CECR2: variants seen among roughly 807,000 people sequenced by gnomAD.
CECR2 encodes CECR2 histone acetyl-lysine reader.
Under a neutral mutation model 154.5 loss-of-function variants are expected in CECR2, and 30 were observed. That is an observed-to-expected ratio of 0.19 (90% CI 0.15 to 0.26). The LOEUF is 0.26. CECR2 is among the 10% of genes least tolerant of loss of function. The pLI is 1.00. For synonymous variants in CECR2, 725 were observed against 683.7 expected (o/e 1.06, Z -0.94); for missense variants, 1,743 against 1,829.3 (o/e 0.95, Z 0.86).
intron 5 of CECR2, among the ~76,000 whole-genome samples, chr22:17,501,903 G>A (rs1264217755): frequency 6.6e-6 from 1 of 152,080 alleles, no homozygotes; most frequent in East Asian, 1.9e-4. Flanking sequence ...CTTTAGAGCT[G>A]TGTGTGTAAG....
intron 1 of CECR2, among the ~76,000 whole-genome samples, chr22:17,374,714 A>G (rs544781387): frequency 1.3e-5 from 2 of 152,344 alleles, no homozygotes; most frequent in South Asian, 4.1e-4. Flanking sequence ...GGTCAAAATA[A>G]CGTGATGATA....
intron 6 of CECR2, 47 bp from the exon 7 acceptor site, chr22:17,504,800 G>T (rs2146897593): frequency 2.0e-6 from 3 of 1,519,688 alleles, no homozygotes; most frequent in Non-Finnish European, 2.7e-6. Flanking sequence ...AATAAGGAAA[G>T]GTCCTCATGG....
At chr22:17,546,366 G>A (rs955633440) in intron 16 of CECR2, among the ~76,000 whole-genome samples, 2 of 151,606 alleles carry the variant, frequency 1.3e-5, no homozygotes, top group Non-Finnish European at 2.9e-5. Flanking sequence ...GGCGCCTGTA[G>A]TCCCAGCTAC....
At chr22:17,443,436 G>T (rs1469243495) in intron 1 of CECR2, among the ~76,000 whole-genome samples, 1 of 152,118 alleles carries the variant, frequency 6.6e-6, no homozygotes, top group Non-Finnish European at 1.5e-5. Context: ...TAAGCAGCAG[G>T]AGTCTTAGAG....
chr22:17,540,566 G>T lies in CECR2; in HGVS notation c.1650G>T (p.Gly550=). The change falls in exon 14 of 19, where the codon GGG becomes GGT. Residue 550 remains glycine, a synonymous_variant. Transcript: ENST00000262608. ...KRRSRAGRSG[G]SHVWTRSRDP... is the part of the protein sequence containing the mutation. ...GGAGTCGGGCTGGGCGAAGTGGTGGGAGCCATGTTTGGACCCGCTCCAGGG... is the reference window on the plus strand; with the variant it reads ...GGAGTCGGGCTGGGCGAAGTGGTGGTAGCCATGTTTGGACCCGCTCCAGGG... The T allele has an allele frequency of 6.2e-7, 1 of 1,612,638 alleles. No individual in the cohort carries two copies. Among genetic ancestry groups the T allele is most frequent in the Non-Finnish European group, 8.5e-7 (1 of 1,179,098 alleles).
chr22:17,497,631 G>C, intron 3 of CECR2, 45 bp downstream of exon 3: 1 of 1,588,048 alleles, frequency 6.3e-7, no homozygotes, highest in South Asian at 1.1e-5. Flanking sequence ...TGAAAAGCCA[G>C]CAATCAGAAA....
At chr22:17,505,727 A>C (rs1018624134) in intron 7 of CECR2, among the ~76,000 whole-genome samples, 1 of 150,526 alleles carries the variant, frequency 6.6e-6, no homozygotes, top group Non-Finnish European at 1.5e-5. Flanking sequence ...TAGTAGAGAC[A>C]GGGTTTCACC....
At position 17,544,809 on chromosome 22, in the gene CECR2, C is replaced by CAAAAAAAAAAAAAAAAAAAAAA. The variant is rs67994839; in HGVS notation, c.2860+1812_2860+1833dup. ...TGGGCCACAAAGTGAGACTCTGTCTCAAAAAAAAAAAAAAAAAAAAAAAAA... is the reference window on the plus strand; with the variant it reads ...TGGGCCACAAAGTGAGACTCTGTCTCAAAAAAAAAAAAAAAAAAAAAAAAAAAAAAAAAAAAAAAAAAAAAAA... On this transcript the variant is annotated intron_variant, in intron 16 of 18. Transcript: ENST00000262608. Among the ~76,000 whole-genome samples, 2 of 45,620 alleles carry CAAAAAAAAAAAAAAAAAAAAAA rather than the reference C, an allele frequency of 4.4e-5. 1 individual carries two copies. The highest frequency in any genetic ancestry group is 1.7e-4 in the African/African-American group (2 of 11,514). The allele number at this position is 45,620 out of a possible 152,430, so 29.9% of individuals were successfully genotyped here.
At chr22:17,465,810 G>A (rs527641568) in intron 1 of CECR2, among the ~76,000 whole-genome samples, 7 of 152,022 alleles carry the variant, frequency 4.6e-5, no homozygotes, top group African/African-American at 1.4e-4. Flanking sequence ...GTAGAGACAG[G>A]GTTTTGCCAT....
At chr22:17,493,200 G>A (rs2055561826) in intron 2 of CECR2, among the ~76,000 whole-genome samples, 1 of 152,142 alleles carries the variant, frequency 6.6e-6, no homozygotes, top group Non-Finnish European at 1.5e-5. Context: ...TCAAACTCCT[G>A]TCCTCAAGTG....
At chr22:17,449,919 A>G (rs962635169) in intron 1 of CECR2, among the ~76,000 whole-genome samples, 1 of 152,216 alleles carries the variant, frequency 6.6e-6, no homozygotes, top group African/African-American at 2.4e-5. Context: ...GCACTGAGTG[A>G]TGCTTCCTTT....
At chr22:17,454,182 C>A (rs1197192722) in intron 1 of CECR2, among the ~76,000 whole-genome samples, 1 of 151,810 alleles carries the variant, frequency 6.6e-6, no homozygotes, top group Non-Finnish European at 1.5e-5. Context: ...GACTGCAGTC[C>A]CAGCTACTCA....
chr22:17,414,139 A>AT lies in CECR2; in HGVS notation c.126+44236dup, dbSNP rs1056684739. 2.4e-3 allele frequency among the ~76,000 whole-genome samples: 351 copies of AT among 147,288 alleles called. 1 individual carries two copies. Among genetic ancestry groups the AT allele is most frequent in the African/African-American group, 7.8e-3 (308 of 39,628 alleles). On this transcript the variant is annotated intron_variant, in intron 1 of 18. Transcript: ENST00000262608. ...AGGTGCCTGCCACCACGCCTGGCTAATTTTTTGTATTTTTAGTAGAGATGG... is the reference window on the plus strand; with the variant it reads ...AGGTGCCTGCCACCACGCCTGGCTAATTTTTTTGTATTTTTAGTAGAGATGG...
At chr22:17,401,510 C>A (rs1360466858) in intron 1 of CECR2, among the ~76,000 whole-genome samples, 1 of 151,984 alleles carries the variant, frequency 6.6e-6, no homozygotes, top group Non-Finnish European at 1.5e-5. Context: ...GTGACCCCCC[C>A]AATCTGCTTT....
At position 17,549,169 on chromosome 22, in the gene CECR2, A is replaced by G. The variant is rs760821190; in HGVS notation, c.3882A>G (p.Lys1294=). The G allele has an allele frequency of 1.2e-6, 2 of 1,614,052 alleles. No homozygotes were observed. Among genetic ancestry groups the G allele is most frequent in the South Asian group, 2.2e-5 (2 of 91,084 alleles). ...CTATGGAGAGGCCAGAGAGTCCCAA[A>G]GAATTTTTAGACCTGGACAACCATA... The part of the protein sequence containing the change: ...DESMERPESP[K]EFLDLDNHNA... Residue 1294 remains lysine (K), a synonymous_variant, in exon 17 of 19, where the codon AAA becomes AAG. Transcript: ENST00000262608.
chr22:17,370,419 G>A (rs1227928501), intron 1 of CECR2, among the ~76,000 whole-genome samples: 5 of 149,254 alleles, frequency 3.3e-5, no homozygotes, highest in African/African-American at 1.3e-4. Context: ...CGCGTGGCAG[G>A]GGCTCCCGGA....
intron 6 of CECR2, among the ~76,000 whole-genome samples, chr22:17,504,410 G>C (rs1398104562): frequency 6.6e-6 from 1 of 151,394 alleles, no homozygotes; most frequent in Non-Finnish European, 1.5e-5. Context: ...TCTCTTTTTT[G>C]AGTTCCTTAT....
chr22:17,482,358 A>G (rs909494135), intron 2 of CECR2, among the ~76,000 whole-genome samples: 1 of 152,076 alleles, frequency 6.6e-6, no homozygotes, highest in Non-Finnish European at 1.5e-5. Context: ...CAGGAGGCAG[A>G]GCTTGCAGTG....
At chr22:17,480,812 G>A (rs1452065946) in intron 2 of CECR2, among the ~76,000 whole-genome samples, 2 of 152,106 alleles carry the variant, frequency 1.3e-5, no homozygotes, top group South Asian at 4.2e-4. Flanking sequence ...GGCCGAGACG[G>A]GCAGATCACT....
Sources: gnomAD v4.1 joint callset for allele counts (sites outside exome capture counted in the v4.1 genomes callset) on GRCh38, gnomAD v4.1.1 for gene constraint, MANE v1.5 for transcripts, NCBI Gene and HGNC (gene_info 2026-07-23, HGNC 2026-07-21) for gene names.